The following KLHDC4 variants were observed in gnomAD, a reference collection of about 807,000 sequenced individuals.
KLHDC4 encodes the protein kelch domain containing 4.
In KLHDC4, 90 loss-of-function variants were observed where a neutral mutation model predicts 62.4. That is an observed-to-expected ratio of 1.44 (90% CI 1.22 to 1.72). The LOEUF is 1.72. Ranked by LOEUF, KLHDC4 falls within the 40% of genes most tolerant of loss-of-function variation. The pLI, the probability that KLHDC4 is intolerant of heterozygous loss-of-function variation, is 0.00. For synonymous variants in KLHDC4, 386 were observed against 284.4 expected (o/e 1.36, Z -3.59); for missense variants, 1,025 against 699.7 (o/e 1.47, Z -5.25).
Position 87,748,774 on chromosome 16 carries a change from C to A in KLHDC4, c.405G>T (p.Trp135Cys). The A allele has an allele frequency of 1.2e-6, 2 of 1,613,252 alleles. No individual in the cohort carries two copies. The highest frequency in any genetic ancestry group is 1.7e-6 in the Non-Finnish European group (2 of 1,179,828). The change falls in exon 5 of 12, where the codon TGG becomes TGT. Residue 135 changes from tryptophan (W) to cysteine (C), a missense_variant. Transcript: ENST00000270583. Reference sequence around the variant, plus strand: ...GAGAGGCAAACTCCCCTCCAAAGACCCACAGCTGTCCGCCACCTTGAGGCA... The same window carrying A: ...GAGAGGCAAACTCCCCTCCAAAGACACACAGCTGTCCGCCACCTTGAGGCA... ...VVVPQGGGQL[W>C]VFGGEFASPN...
downstream of KLHDC4, among the ~76,000 whole-genome samples, chr16:87,707,474 T>C (rs2034888281): frequency 6.6e-6 from 1 of 152,156 alleles, no homozygotes; most frequent in East Asian, 1.9e-4. Flanking sequence ...GACCCCCGTG[T>C]GCAGCCAGCC....
At chr16:87,751,218 C>G (rs2043875900) in intron 4 of KLHDC4, among the ~76,000 whole-genome samples, 1 of 152,156 alleles carries the variant, frequency 6.6e-6, no homozygotes, top group Non-Finnish European at 1.5e-5. Context: ...GCTCACGCCT[C>G]TAATTCCAGT....
downstream of KLHDC4, among the ~76,000 whole-genome samples, chr16:87,707,356 C>G (rs1240626047): frequency 6.6e-6 from 1 of 152,194 alleles, no homozygotes; most frequent in African/African-American, 2.4e-5. Flanking sequence ...ACCCTAAACC[C>G]GACTGGGACA....
chr16:87,720,049 G>A (rs2037946869), intron 7 of KLHDC4, among the ~76,000 whole-genome samples: 1 of 152,212 alleles, frequency 6.6e-6, no homozygotes, highest in African/African-American at 2.4e-5. Flanking sequence ...AGCCTGCAGT[G>A]AGTCCTCAAT....
chr16:87,731,175 T>C (rs1330196384), intron 5 of KLHDC4, among the ~76,000 whole-genome samples: 4 of 145,800 alleles, frequency 2.7e-5, no homozygotes, highest in African/African-American at 7.5e-5. Context: ...GCGGTTCTCC[T>C]GCCTCAGCCT....
intron 1 of KLHDC4, chr16:87,765,488 G>A (rs1167769511): frequency 2.0e-5 from 10 of 500,618 alleles, no homozygotes; most frequent in Non-Finnish European, 3.7e-5. Context: ...CAGAGGGAGG[G>A]TGGAGGGAGA....
chr16:87,741,145 C>CGA (rs1393811294), intron 5 of KLHDC4, among the ~76,000 whole-genome samples: 1 of 152,204 alleles, frequency 6.6e-6, no homozygotes, highest in Non-Finnish European at 1.5e-5. Context: ...CACATGATGT[C>CGA]CTGTCTGTTG....
rs772359091 is a variant in KLHDC4, at chr16:87,755,308, A to G, written c.271-16T>C. On this transcript the variant is annotated splice_polypyrimidine_tract_variant and intron_variant, in intron 3 of 11. Transcript: ENST00000270583. The stretch of plus-strand genomic sequence containing the variant: ...ACAAAAAAGTCTACAGGAAGGAAGA[A>G]GAATGTCAGTGTCACAAATGATACG... The G allele has an allele frequency of 7.3e-7, 1 of 1,377,328 alleles. No individual in the cohort carries two copies. Among genetic ancestry groups the G allele is most frequent in the African/African-American group, 1.4e-5 (1 of 70,286 alleles). The allele number at this position is 1,377,328 out of a possible 1,614,324, so 85.3% of individuals were successfully genotyped here.
intron 7 of KLHDC4, among the ~76,000 whole-genome samples, chr16:87,723,358 C>G (rs2038782825): frequency 6.6e-6 from 1 of 152,248 alleles, no homozygotes; most frequent in African/African-American, 2.4e-5. Context: ...CACCCACCGT[C>G]AGACTGAGGG....
At chr16:87,713,239 G>A (rs568771944) in intron 8 of KLHDC4, among the ~76,000 whole-genome samples, 2 of 151,704 alleles carry the variant, frequency 1.3e-5, no homozygotes, top group East Asian at 1.9e-4. Flanking sequence ...TCGCTCTGTC[G>A]CCCAGGCTGG....
intron 8 of KLHDC4, among the ~76,000 whole-genome samples, chr16:87,714,026 G>C (rs1350855717): frequency 2.0e-5 from 3 of 152,086 alleles, no homozygotes; most frequent in Non-Finnish European, 4.4e-5. Context: ...GAGCAACACC[G>C]ACCCCTGGCT....
intron 2 of KLHDC4, among the ~76,000 whole-genome samples, chr16:87,758,918 G>A (rs781495251): frequency 1.1e-4 from 16 of 152,234 alleles, no homozygotes; most frequent in African/African-American, 3.6e-4. Flanking sequence ...GCTCATGCCT[G>A]TAATCCCAGC....
chr16:87,744,098 G>A (rs1278152161), intron 5 of KLHDC4, among the ~76,000 whole-genome samples: 1 of 151,766 alleles, frequency 6.6e-6, no homozygotes, highest in Admixed American at 6.6e-5. Context: ...GGCCAACACG[G>A]TGAAACCCTG....
At chr16:87,707,119 A>G (rs763078962), downstream of KLHDC4, among the ~76,000 whole-genome samples, 4 of 152,258 alleles carry the variant, frequency 2.6e-5, no homozygotes, top group Non-Finnish European at 4.4e-5. Flanking sequence ...TGTGGTTTCA[A>G]TGCTCAACTT....
intron 5 of KLHDC4, among the ~76,000 whole-genome samples, chr16:87,732,766 T>C (rs578183900): frequency 3.3e-5 from 5 of 152,018 alleles, no homozygotes; most frequent in South Asian, 4.1e-4. Flanking sequence ...TCCCAGCTTC[T>C]ACAGGTAAAA....
intron 6 of KLHDC4, among the ~76,000 whole-genome samples, chr16:87,727,870 G>T (rs1427468704): frequency 6.6e-6 from 1 of 152,144 alleles, no homozygotes; most frequent in African/African-American, 2.4e-5. Flanking sequence ...CGTTTACCCA[G>T]CACCAGCTGC....
intron 10 of KLHDC4, among the ~76,000 whole-genome samples, chr16:87,708,848 G>A (rs948250392): frequency 2.6e-5 from 4 of 152,222 alleles, no homozygotes; most frequent in African/African-American, 9.6e-5. Flanking sequence ...AAACTGCATG[G>A]TGACTCGATC....
chr16:87,765,835 G>C lies in KLHDC4; in HGVS notation c.56C>G (p.Ala19Gly). ...KKGRGAEKTA[A>G]KMEKKVSKRS... is the part of the protein sequence containing the mutation. ...CTTAGACACCTTCTTCTCCATCTTGGCGGCCGTCTTCTCCGCGCCGCGGCC... is the reference window on the plus strand; with the variant it reads ...CTTAGACACCTTCTTCTCCATCTTGCCGGCCGTCTTCTCCGCGCCGCGGCC... The change falls in exon 1 of 12, where the codon GCC becomes GGC. Residue 19 changes from alanine (A) to glycine (G), a missense_variant. Transcript: ENST00000270583. The C allele has an allele frequency of 1.3e-6, 2 of 1,560,044 alleles. No homozygotes were observed. Among genetic ancestry groups the C allele is most frequent in the South Asian group, 1.2e-5 (1 of 84,708 alleles).
intron 7 of KLHDC4, among the ~76,000 whole-genome samples, chr16:87,718,421 C>A (rs372223992): frequency 6.7e-6 from 1 of 149,090 alleles, no homozygotes; most frequent in Non-Finnish European, 1.5e-5. Context: ...TGATGCCGAG[C>A]GGAGGCTGGA....
Sources: gnomAD v4.1 joint callset for allele counts (sites outside exome capture counted in the v4.1 genomes callset) on GRCh38, gnomAD v4.1.1 for gene constraint, MANE v1.5 for transcripts, NCBI Gene and HGNC (gene_info 2026-07-23, HGNC 2026-07-21) for gene names.